The following EIPR1 variants were observed in gnomAD, a reference collection of about 807,000 sequenced individuals.
EIPR1 encodes the protein EARP and GARP complex-interacting protein 1.
In EIPR1, 25 loss-of-function variants were observed where a neutral mutation model predicts 48.1. That is an observed-to-expected ratio of 0.52 (90% CI 0.38 to 0.73). The LOEUF (loss-of-function observed/expected upper bound fraction) is 0.73. Among genes scored for constraint, EIPR1 ranks in the 30% least tolerant of loss-of-function variants. EIPR1 has a pLI of 0.00. For missense variants in EIPR1, 415 were observed against 506.2 expected (o/e 0.82, Z 1.73); for synonymous variants, 204 against 201.9 (o/e 1.01, Z -0.09).
chr2:3,325,290 T>G (rs1669660302), intron 3 of EIPR1, among the ~76,000 whole-genome samples: 1 of 152,214 alleles, frequency 6.6e-6, no homozygotes, highest in Admixed American at 6.5e-5. Flanking sequence ...GCACGCCTGA[T>G]GCTCACAGGT....
At chr2:3,371,949 A>C (rs1402597019) in intron 1 of EIPR1, among the ~76,000 whole-genome samples, 1 of 152,186 alleles carries the variant, frequency 6.6e-6, no homozygotes, top group Non-Finnish European at 1.5e-5. Flanking sequence ...GCACCACGCC[A>C]CACCTATTCC....
At chr2:3,268,093 C>G (rs773003883) in intron 3 of EIPR1, among the ~76,000 whole-genome samples, 1 of 152,202 alleles carries the variant, frequency 6.6e-6, no homozygotes, top group East Asian at 1.9e-4. Context: ...AGCGTGGCCC[C>G]AGCACTGGGC....
At chr2:3,265,318 C>T (rs902995624) in intron 3 of EIPR1, among the ~76,000 whole-genome samples, 1 of 152,134 alleles carries the variant, frequency 6.6e-6, no homozygotes, top group African/African-American at 2.4e-5. Context: ...CCTCCAGAAA[C>T]TCCACATCCT....
chr2:3,344,724 C>T (rs868800911), intron 2 of EIPR1, among the ~76,000 whole-genome samples: 1 of 143,604 alleles, frequency 7.0e-6, no homozygotes, highest in African/African-American at 2.6e-5. Context: ...CTCACTGCAA[C>T]CTCCACCTCC....
intron 3 of EIPR1, among the ~76,000 whole-genome samples, chr2:3,293,132 A>G (rs911599979): frequency 6.6e-6 from 1 of 152,108 alleles, no homozygotes; most frequent in Non-Finnish European, 1.5e-5. Flanking sequence ...TCGACAAACT[A>G]TCACCCTACA....
chr2:3,300,934 T>A (rs1668746027), intron 3 of EIPR1: 1 of 152,050 alleles, frequency 6.6e-6, no homozygotes, highest in Non-Finnish European at 1.5e-5. Context: ...TTTTTCAGGG[T>A]ACAGTTCTCA....
At chr2:3,277,898 C>A (rs1174509272) in intron 3 of EIPR1, among the ~76,000 whole-genome samples, 1 of 152,212 alleles carries the variant, frequency 6.6e-6, no homozygotes, top group Non-Finnish European at 1.5e-5. Flanking sequence ...CGGCACTAAC[C>A]AAGCGGCACT....
intron 3 of EIPR1, among the ~76,000 whole-genome samples, chr2:3,285,922 G>A (rs12987427): frequency 0.037 from 5,284 of 142,530 alleles, 196 homozygotes; most frequent in Non-Finnish European, 0.041. Flanking sequence ...AGAAGTCACC[G>A]ACTGTCGCCG....
chr2:3,310,503 A>T (rs929630477), intron 3 of EIPR1, among the ~76,000 whole-genome samples: 1 of 142,768 alleles, frequency 7.0e-6, no homozygotes, highest in African/African-American at 2.8e-5. Context: ...AATACAAAAA[A>T]TTAGCCGGGC....
intron 3 of EIPR1, among the ~76,000 whole-genome samples, chr2:3,258,615 C>T (rs934815809): frequency 4.6e-5 from 7 of 152,148 alleles, no homozygotes; most frequent in Non-Finnish European, 8.8e-5. Flanking sequence ...GATGCTCTTG[C>T]GATCTCAATA....
At chr2:3,353,962 T>C (rs1245131817) in intron 2 of EIPR1, among the ~76,000 whole-genome samples, 1 of 152,232 alleles carries the variant, frequency 6.6e-6, no homozygotes, top group African/African-American at 2.4e-5. Context: ...CATCTCATTT[T>C]AATCTCCACT....
intron 3 of EIPR1, among the ~76,000 whole-genome samples, chr2:3,289,830 C>T (rs781473459): frequency 6.6e-6 from 1 of 152,262 alleles, no homozygotes; most frequent in Admixed American, 6.5e-5. Flanking sequence ...CAACAGACAG[C>T]ATCAGTGCTA....
rs115088153 is a variant in EIPR1 at position 3,250,783 on chromosome 2, G to C, written c.416+6516C>G. Among the ~76,000 whole-genome samples, 404 of 152,258 alleles carry C rather than the reference G, an allele frequency of 2.7e-3. 1 individual carries two copies. The highest frequency in any genetic ancestry group is 4.3e-3 in the Non-Finnish European group (291 of 68,020). The stretch of plus-strand genomic sequence containing the variant: ...CAGTTAGTTCCCACAAGATTCGCTT[G>C]TTTAAAAGAGTCTGGCAGCTGCTTC... On this transcript the variant is annotated intron_variant, in intron 4 of 8. Coordinates refer to ENST00000382125, the MANE Select transcript of EIPR1 (RefSeq NM_003310.5).
At chr2:3,245,078 C>A (rs1458945592) in intron 4 of EIPR1, among the ~76,000 whole-genome samples, 1 of 152,160 alleles carries the variant, frequency 6.6e-6, no homozygotes, top group Non-Finnish European at 1.5e-5. Context: ...ATTTTCTCAT[C>A]ATCTCCTTTC....
chr2:3,210,258 G>C (rs371022366), intron 5 of EIPR1, among the ~76,000 whole-genome samples: 1 of 152,130 alleles, frequency 6.6e-6, no homozygotes, highest in African/African-American at 2.4e-5. Context: ...GAATAGGAAA[G>C]AGCATTGCCA....
rs1419039032 is a variant in EIPR1 at position 3,332,606 on chromosome 2, C to A, written c.259+5411G>T. Among the ~76,000 whole-genome samples the A allele has an allele frequency of 2.0e-5, 3 of 152,360 alleles. No individual in the cohort carries two copies. In the East Asian group the frequency reaches 5.8e-4, roughly 29 times the overall value. ...CAGACCAGTTACTGTTGAGATCTCT[C>A]CTGTTCCAAGTATGTACAGTCCTGT... On this transcript the variant is annotated intron_variant, in intron 3 of 8. Transcript: ENST00000382125.
intron 3 of EIPR1, among the ~76,000 whole-genome samples, chr2:3,332,161 A>T (rs35078033): frequency 0.45 from 68,216 of 152,020 alleles, 16,509 homozygotes; most frequent in East Asian, 0.81. Context: ...CATTAGAAAT[A>T]AAAGCAGCAA....
chr2:3,346,434 T>C (rs1462387035), intron 2 of EIPR1, among the ~76,000 whole-genome samples: 2 of 152,226 alleles, frequency 1.3e-5, no homozygotes, highest in African/African-American at 2.4e-5. Flanking sequence ...AGTGAGTATA[T>C]TTGCTGCAGT....
chr2:3,306,224 C>T lies in EIPR1; in HGVS notation c.259+31793G>A, dbSNP rs182350474. On this transcript the variant is annotated intron_variant, in intron 3 of 8. Transcript: ENST00000382125. ...CCCTTCCCTTGGCTCCTCTGAACAG[C>T]GCTGTACACACCTTTCCCACATTCT... is the stretch of plus-strand genomic sequence containing the variant. 9.3e-4 allele frequency among the ~76,000 whole-genome samples: 141 copies of T among 152,312 alleles called. 1 individual carries two copies. Among genetic ancestry groups the T allele is most frequent in the African/African-American group, 2.9e-3 (120 of 41,556 alleles).
Sources: allele counts gnomAD v4.1 joint callset (sites outside exome capture counted in the v4.1 genomes callset), GRCh38; gene constraint gnomAD v4.1.1; transcripts MANE v1.5; gene names NCBI Gene and HGNC (gene_info 2026-07-23, HGNC 2026-07-21).